PABPC1: variants seen among roughly 807,000 people sequenced by gnomAD.
PABPC1 encodes polyadenylate-binding protein 1.
A neutral mutation model predicts 74.0 loss-of-function variants in PABPC1; 4 were observed. That is an observed-to-expected ratio of 0.05 (90% CI 0.03 to 0.12). PABPC1 has a LOEUF of 0.12. PABPC1 is among the 10% of genes least tolerant of loss of function. PABPC1 has a pLI of 1.00. For missense variants in PABPC1, 271 were observed against 821.1 expected, an observed-to-expected ratio of 0.33 and a Z score of 8.19; for synonymous variants, 227 against 264.1, an observed-to-expected ratio of 0.86 and a Z score of 1.36.
intron 4 of PABPC1, 84 bp downstream of exon 4, chr8:100,715,375 ACTT>A (rs767163070): frequency 1.2e-4 from 150 of 1,205,974 alleles, no homozygotes; most frequent in Non-Finnish European, 1.7e-4. Context: ...AATTTTATTG[ACTT>A]TTTTAGTATA....
intron 6 of PABPC1, 73 bp downstream of exon 6, chr8:100,712,579 G>C (rs1355314669): frequency 1.9e-6 from 3 of 1,542,976 alleles, no homozygotes; most frequent in East Asian, 2.3e-5. Context: ...CAGCTACCTG[G>C]AAGTAACTGA....
Position 100,712,456 on chromosome 8 carries a change from C to T in PABPC1, c.878G>A (p.Gly293Asp), listed in dbSNP as rs1207064133. 1.3e-6 allele frequency: 2 copies of T among 1,581,364 alleles called. No homozygotes were observed. The highest frequency in any genetic ancestry group is 1.7e-6 in the Non-Finnish European group (2 of 1,164,022). ...AAGATTTTTCACATAAAGATTAACA[C>T]CCTAAAAAGAAGAAAAGAAAACTAT... Reference protein sequence around the residue: ...MKQDRITRYQGVNLYVKNLDD... With the variant: ...MKQDRITRYQDVNLYVKNLDD... The change falls in exon 7 of 15, where the codon GGT (glycine) becomes GAT (aspartate). Residue 293 changes from glycine to aspartate, a missense_variant and splice_region_variant. This residue lies in a region of PABPC1 where 78 missense variants were observed against 202.8 expected (regional missense o/e 0.38). Transcript: ENST00000318607.
intron 7 of PABPC1, 130 bp from the exon 8 acceptor site, chr8:100,709,861 A>G: frequency 9.2e-7 from 1 of 1,088,608 alleles, no homozygotes; most frequent in South Asian, 1.7e-5. Flanking sequence ...ATCATCTTGT[A>G]TTTACCCATT....
At chr8:100,713,327 T>C (rs2129720736) in intron 4 of PABPC1, 146 bp from the exon 5 acceptor site, 1 of 503,442 alleles carries the variant, frequency 2.0e-6, no homozygotes. Context: ...CCCAGGTAGG[T>C]ATACTTTTCC....
intron 7 of PABPC1, among the ~76,000 whole-genome samples, chr8:100,712,013 G>A (rs986547195): frequency 6.6e-6 from 1 of 152,214 alleles, no homozygotes; most frequent in African/African-American, 2.4e-5. Flanking sequence ...GGCAGGGGAG[G>A]GAACTGGGGC....
chr8:100,713,015 T>G (rs947364716), intron 5 of PABPC1, 72 bp downstream of exon 5: 3 of 1,103,384 alleles, frequency 2.7e-6, no homozygotes, highest in Non-Finnish European at 2.7e-6. Context: ...GCTATTAGTA[T>G]GCACATAGAC....
intron 1 of PABPC1, among the ~76,000 whole-genome samples, chr8:100,720,340 T>C (rs944935868): frequency 7.9e-5 from 12 of 152,234 alleles, no homozygotes; most frequent in African/African-American, 2.2e-4. Flanking sequence ...ATTTCCCCCA[T>C]AAATTTCAAG....
chr8:100,716,999 G>A (rs74665756), intron 3 of PABPC1, among the ~76,000 whole-genome samples: 2 of 152,050 alleles, frequency 1.3e-5, no homozygotes, highest in East Asian at 3.9e-4. Flanking sequence ...CCTGGTAACA[G>A]GCATTTGTGA....
chr8:100,703,454 CAT>C (rs1810297472), intron 14 of PABPC1, 95 bp from the exon 15 acceptor site: 2 of 152,228 alleles, frequency 1.3e-5, no homozygotes, highest in South Asian at 4.1e-4. Flanking sequence ...TGTTTTTATC[CAT>C]AGTTTTACTG....
chr8:100,718,008 C>G, intron 2 of PABPC1, 79 bp downstream of exon 2: 1 of 1,367,144 alleles, frequency 7.3e-7, no homozygotes, highest in Non-Finnish European at 1.0e-6. Context: ...ATATCCATTA[C>G]TGCACAGTTC....
chr8:100,703,485 T>G (rs1810298472), intron 14 of PABPC1, 126 bp from the exon 15 acceptor site: 1 of 152,282 alleles, frequency 6.6e-6, no homozygotes, highest in South Asian at 2.1e-4. Context: ...CCATACCTGT[T>G]CATTTGTATA....
chr8:100,714,919 T>C (rs1426528791), intron 4 of PABPC1, among the ~76,000 whole-genome samples: 1 of 152,194 alleles, frequency 6.6e-6, no homozygotes, highest in Non-Finnish European at 1.5e-5. Flanking sequence ...TCAAGTTTTA[T>C]GAAGTTATTT....
chr8:100,721,000 C>G (rs1486797145), intron 1 of PABPC1, among the ~76,000 whole-genome samples: 2 of 152,092 alleles, frequency 1.3e-5, no homozygotes, highest in African/African-American at 4.8e-5. Flanking sequence ...GGCAGGAGCT[C>G]CGGGTGGTGG....
intron 8 of PABPC1, 47 bp from the exon 9 acceptor site, chr8:100,709,270 AAATAATGC>A: frequency 6.5e-7 from 1 of 1,542,582 alleles, no homozygotes; most frequent in South Asian, 1.1e-5. Flanking sequence ...AGAAAAAAGC[AAATAATGC>A]AATAAATTAT....
chr8:100,717,045 T>G (rs1289226073), intron 3 of PABPC1, among the ~76,000 whole-genome samples: 1 of 152,110 alleles, frequency 6.6e-6, no homozygotes. Flanking sequence ...AGTTTCAATC[T>G]TGTCGCCCAG....
chr8:100,721,933 G>A lies in PABPC1; in HGVS notation c.-350C>T, dbSNP rs2129775414. 9.1e-6 allele frequency: 2 copies of A among 218,852 alleles called. No individual in the cohort carries two copies. The highest frequency in any genetic ancestry group is 9.6e-5 in the East Asian group (1 of 10,370). The allele number at this position is 218,852 out of a possible 1,614,324, so 13.6% of individuals were successfully genotyped here. ...TAAAAGAGGAAGAAAAAAAATAAAA[G>A]TCTCCGGCGGGGGAGACGCGGATTT... On this transcript the variant is annotated 5_prime_UTR_variant, in exon 1 of 15. Coordinates refer to ENST00000318607, the MANE Select transcript of PABPC1 (RefSeq NM_002568.4). The surrounding 1 kb of genome is among the most constrained non-coding windows in gnomAD (Gnocchi z 7.4).
Position 100,704,848 on chromosome 8 carries a change from G to C in PABPC1, c.1818+78C>G, listed in dbSNP as rs925481700. ...GGCTTATATATAACACGATGTAAGT[G>C]TTCTGTACAATTAAGTCCCCATAAA... is the stretch of plus-strand genomic sequence containing the variant. On this transcript the variant is annotated intron_variant, in intron 13 of 14. Coordinates refer to ENST00000318607, the MANE Select transcript of PABPC1 (RefSeq NM_002568.4). 6.4e-6 allele frequency: 9 copies of C among 1,395,646 alleles called. No homozygotes were observed. The Middle Eastern group carries it at 7.6e-4, about 117-fold the overall frequency. The allele number at this position is 1,395,646 out of a possible 1,614,324, so 86.5% of individuals were successfully genotyped here. A position where few individuals can be genotyped will look rare whatever the true frequency, so the allele number is the denominator to read the frequency against.
chr8:100,703,752 T>A (rs946781294), intron 14 of PABPC1, among the ~76,000 whole-genome samples: 2 of 152,044 alleles, frequency 1.3e-5, no homozygotes, highest in Non-Finnish European at 2.9e-5. Context: ...TATATATATA[T>A]TACTATACAA....
chr8:100,720,932 T>G (rs1041156819), intron 1 of PABPC1, among the ~76,000 whole-genome samples: 1 of 151,948 alleles, frequency 6.6e-6, no homozygotes, highest in Non-Finnish European at 1.5e-5. Flanking sequence ...GGTTACAGGG[T>G]TCAACACGTG....
Sources: gnomAD v4.1 joint callset for allele counts (sites outside exome capture counted in the v4.1 genomes callset) on GRCh38, gnomAD v4.1.1 for gene constraint, gnomAD v4.1.1 regional missense constraint, Gnocchi (gnomAD v3.1) non-coding constraint, MANE v1.5 for transcripts, NCBI Gene and HGNC (gene_info 2026-07-23, HGNC 2026-07-21) for gene names.